MORN1: variants seen among roughly 807,000 people sequenced by gnomAD.
The protein encoded by MORN1 is MORN repeat containing 1.
Under a neutral mutation model 61.9 loss-of-function variants are expected in MORN1, and 67 were observed. That is an observed-to-expected ratio of 1.08 (90% CI 0.89 to 1.33). MORN1 has a LOEUF of 1.33. Among genes scored for constraint, MORN1 ranks in the 40% most tolerant of loss-of-function variants. MORN1 has a pLI of 0.00. For missense variants in MORN1, 752 were observed against 691.2 expected, an observed-to-expected ratio of 1.09 and a Z score of -0.99; for synonymous variants, 301 against 292.0, an observed-to-expected ratio of 1.03 and a Z score of -0.31.
chr1:2,354,130 C>T (rs1011334731), intron 10 of MORN1, among the ~76,000 whole-genome samples: 14 of 152,104 alleles, frequency 9.2e-5, no homozygotes, highest in African/African-American at 3.4e-4. Context: ...ACTAAAAATA[C>T]AAAAATTAGT....
At chr1:2,338,227 G>T (rs1323619846) in intron 10 of MORN1, among the ~76,000 whole-genome samples, 1 of 152,204 alleles carries the variant, frequency 6.6e-6, no homozygotes, top group African/African-American at 2.4e-5. Flanking sequence ...ACAGGTGGGA[G>T]AATTATCTCT....
intron 10 of MORN1, among the ~76,000 whole-genome samples, chr1:2,345,656 G>A (rs1288430218): frequency 6.6e-6 from 1 of 152,198 alleles, no homozygotes; most frequent in African/African-American, 2.4e-5. Flanking sequence ...GTGTCCCAGG[G>A]TCTCCTCGAG....
At chr1:2,381,798 A>G (rs1042213884) in intron 6 of MORN1, among the ~76,000 whole-genome samples, 7 of 152,172 alleles carry the variant, frequency 4.6e-5, no homozygotes, top group East Asian at 1.9e-4. Flanking sequence ...CCCAGTGGCC[A>G]TCCCAGGCCA....
At chr1:2,325,107 T>TCCTTCCCTC (rs1420079302) in intron 12 of MORN1, among the ~76,000 whole-genome samples, 4 of 98,586 alleles carry the variant, frequency 4.1e-5, no homozygotes, top group African/African-American at 2.3e-4. Flanking sequence ...CTCTCCCCTT[T>TCCTTCCCTC]CCTTCCCTTC....
Position 2,383,823 on chromosome 1 carries a change from G to A in MORN1, c.537+1155C>T, listed in dbSNP as rs547921528. Among the ~76,000 whole-genome samples the A allele has an allele frequency of 6.6e-5, 10 of 152,250 alleles. No individual in the cohort carries two copies. In the East Asian group the frequency reaches 1.5e-3, roughly 24 times the overall value. ...GCTCTCAATTCCGCTAGTGCCTCAC[G>A]CCCAGCATGGGGGATGGCTTGGTTA... On this transcript the variant is annotated intron_variant, in intron 6 of 13. Transcript: ENST00000378531.
chr1:2,340,160 G>A (rs371845800), intron 10 of MORN1, among the ~76,000 whole-genome samples: 3 of 151,950 alleles, frequency 2.0e-5, no homozygotes, highest in Admixed American at 1.3e-4. Context: ...GGGAGACCTC[G>A]GAGGCTGCTG....
Position 2,387,402 on chromosome 1 carries a change from T to A in MORN1, c.358+17A>T. 1 of 1,592,012 alleles carries A rather than the reference T, an allele frequency of 6.3e-7. No individual in the cohort carries two copies. The highest frequency in any genetic ancestry group is 8.6e-7 in the Non-Finnish European group (1 of 1,161,684). On this transcript the variant is annotated intron_variant, in intron 4 of 13. Coordinates refer to ENST00000378531, the MANE Select transcript of MORN1 (RefSeq NM_024848.3). Reference sequence around the variant, plus strand: ...AGCGCCCACCCTCACAGCACCCGGCTCCTGTGGGCGCCAGACCTTCCCGCA... The same window carrying A: ...AGCGCCCACCCTCACAGCACCCGGCACCTGTGGGCGCCAGACCTTCCCGCA...
chr1:2,325,997 C>T lies in MORN1; in HGVS notation c.1251-1854G>A, dbSNP rs1641018832. ...GTCCGGAATTACCCATCAAATGGGC[C>T]TGGGGAGGCCTGCTGGGCTGGCACC... On this transcript the variant is annotated intron_variant, in intron 12 of 13. Coordinates refer to ENST00000378531, the MANE Select transcript of MORN1 (RefSeq NM_024848.3). Among the ~76,000 whole-genome samples, 3 of 152,128 alleles carry T rather than the reference C, an allele frequency of 2.0e-5. No homozygotes were observed. The South Asian group carries it at 6.2e-4, about 32-fold the overall frequency.
intron 12 of MORN1, among the ~76,000 whole-genome samples, chr1:2,329,529 CCCTGGGGCCAGGCCCCATGAAGA>C (rs1409188927): frequency 6.6e-6 from 1 of 152,214 alleles, no homozygotes; most frequent in Non-Finnish European, 1.5e-5. Flanking sequence ...CAATCCCCCA[CCCTGGGGCCAGGCCCCATGAAGA>C]CCACAGCCAG....
rs947753161 is a variant in MORN1 at position 2,363,394 on chromosome 1, C to T, written c.746-4679G>A. 2.6e-5 allele frequency: 4 copies of T among 152,256 alleles called. No individual in the cohort carries two copies. The South Asian group carries it at 8.3e-4, about 32-fold the overall frequency. 9.4% of individuals were successfully genotyped at this position (152,256 alleles called of 1,614,324 possible). A position where few individuals can be genotyped will look rare whatever the true frequency, so the allele number is the denominator to read the frequency against. ...CCTCCAATACATTTATGATGATCCCCTTTTACTTAACGAGTTGTAAAACCC... is the reference window on the plus strand; with the variant it reads ...CCTCCAATACATTTATGATGATCCCTTTTTACTTAACGAGTTGTAAAACCC... On this transcript the variant is annotated intron_variant, in intron 8 of 13. Transcript: ENST00000378531.
intron 8 of MORN1, among the ~76,000 whole-genome samples, chr1:2,366,514 G>A (rs536176336): frequency 3.3e-5 from 5 of 151,768 alleles, no homozygotes; most frequent in Non-Finnish European, 4.4e-5. Flanking sequence ...GCAGAAATAG[G>A]CAAATCTTTT....
At chr1:2,385,932 T>G (rs772508655) in intron 4 of MORN1, 35 bp from the exon 5 acceptor site, 86 of 1,571,196 alleles carry the variant, frequency 5.5e-5, no homozygotes, top group Non-Finnish European at 7.9e-6. Context: ...CTTGGCTTTG[T>G]GCCTCCTCCT....
At chr1:2,373,439 AC>A (rs1310090470) in intron 7 of MORN1, among the ~76,000 whole-genome samples, 1 of 152,104 alleles carries the variant, frequency 6.6e-6, no homozygotes, top group Non-Finnish European at 1.5e-5. Flanking sequence ...TGCGTCCTGC[AC>A]CTCTTGCCCC....
chr1:2,337,223 C>T lies in MORN1; in HGVS notation c.1037-373G>A, dbSNP rs189493642. Among the ~76,000 whole-genome samples the T allele has an allele frequency of 6.9e-3, 1,053 of 152,310 alleles. 10 individuals are homozygous for T. Among genetic ancestry groups the T allele is most frequent in the South Asian group, 0.011 (54 of 4,824 alleles). On this transcript the variant is annotated intron_variant, in intron 10 of 13. Transcript: ENST00000378531. The surrounding 1 kb of genome is among the most constrained non-coding windows in gnomAD (Gnocchi z 5.7). ...CCGGGGCCCTGGCCGGAGAGGCTGG[C>T]GCTCAACAGTACAGCTGTGTGCCCT...
At chr1:2,391,396 G>C in intron 1 of MORN1, 62 bp downstream of exon 1, 3 of 1,248,434 alleles carry the variant, frequency 2.4e-6, no homozygotes, top group Non-Finnish European at 3.0e-6. Flanking sequence ...GGCGTAGAGC[G>C]ATCGCACCCT....
At chr1:2,361,170 C>T (rs1233835602) in intron 8 of MORN1, among the ~76,000 whole-genome samples, 2 of 152,128 alleles carry the variant, frequency 1.3e-5, no homozygotes, top group East Asian at 1.9e-4. Flanking sequence ...AAAACTGACA[C>T]GGATGTTAGA....
intron 10 of MORN1, among the ~76,000 whole-genome samples, chr1:2,343,766 G>A (rs1641451317): frequency 6.6e-6 from 1 of 152,170 alleles, no homozygotes; most frequent in Non-Finnish European, 1.5e-5. Context: ...GCTTTCCCGG[G>A]GACTGGCTGC....
At chr1:2,331,768 C>T (rs564520515) in intron 12 of MORN1, among the ~76,000 whole-genome samples, 1 of 152,170 alleles carries the variant, frequency 6.6e-6, no homozygotes, top group Admixed American at 6.5e-5. Flanking sequence ...CCGCATGCGC[C>T]GTCCTTCTTA....
intron 10 of MORN1, among the ~76,000 whole-genome samples, chr1:2,346,975 C>A (rs944671460): frequency 6.6e-6 from 1 of 152,180 alleles, no homozygotes; most frequent in Non-Finnish European, 1.5e-5. Context: ...TGTGGGTGCT[C>A]CCTTCCTCCT....
Sources: gnomAD v4.1 joint callset for allele counts (sites outside exome capture counted in the v4.1 genomes callset) on GRCh38, gnomAD v4.1.1 for gene constraint, Gnocchi (gnomAD v3.1) non-coding constraint, MANE v1.5 for transcripts, NCBI Gene and HGNC (gene_info 2026-07-23, HGNC 2026-07-21) for gene names.